The following NELL2 variants were observed in gnomAD, a reference collection of about 807,000 sequenced individuals.
The protein encoded by NELL2 is neural EGFL like 2, also known as protein kinase C-binding protein NELL2.
Under a neutral mutation model 109.6 loss-of-function variants are expected in NELL2, and 41 were observed. The observed-to-expected ratio is 0.37, with a 90% CI of 0.29 to 0.49. The LOEUF is 0.49. Ranked by LOEUF, NELL2 falls within the 20% of genes least tolerant of loss-of-function variation. The pLI is 0.98. For missense variants in NELL2, 900 were observed against 1,008.3 expected (o/e 0.89, Z 1.45); for synonymous variants, 355 against 344.7 (o/e 1.03, Z -0.33).
intron 13 of NELL2, among the ~76,000 whole-genome samples, chr12:44,648,900 T>TTGTGTGTGTGTGTG (rs563769057): frequency 0.084 from 8,978 of 106,964 alleles, 578 homozygotes; most frequent in East Asian, 0.18. Flanking sequence ...CACGCCCAGC[T>TTGTGTGTGTGTGTG]TGTGTGTGTG....
At chr12:44,787,465 A>G (rs1176460982) in intron 3 of NELL2, among the ~76,000 whole-genome samples, 1 of 152,198 alleles carries the variant, frequency 6.6e-6, no homozygotes, top group African/African-American at 2.4e-5. Context: ...TAAAATTTAT[A>G]TGGAAGGACA....
chr12:44,618,367 G>C (rs1592216076), intron 13 of NELL2, among the ~76,000 whole-genome samples: 1 of 152,154 alleles, frequency 6.6e-6, no homozygotes, highest in Non-Finnish European at 1.5e-5. Context: ...TTTTCTTCTA[G>C]TCTTTTCACT....
intron 15 of NELL2, among the ~76,000 whole-genome samples, chr12:44,598,109 A>C (rs1592181094): frequency 6.6e-6 from 1 of 150,484 alleles, no homozygotes; most frequent in African/African-American, 2.4e-5. Context: ...ATCCTTGTGC[A>C]CCACATTTTA....
intron 1 of NELL2, among the ~76,000 whole-genome samples, chr12:44,902,577 A>G (rs956651609): frequency 6.6e-6 from 1 of 152,232 alleles, no homozygotes; most frequent in African/African-American, 2.4e-5. Flanking sequence ...GGAACCAGAA[A>G]AGAGCCCGTA....
chr12:44,786,086 T>C (rs527984816), intron 3 of NELL2, among the ~76,000 whole-genome samples: 26 of 152,070 alleles, frequency 1.7e-4, no homozygotes, highest in Admixed American at 1.7e-3. Flanking sequence ...TCAGAGTGAA[T>C]AGGCAACCTA....
chr12:44,778,741 A>C (rs1436823900), intron 5 of NELL2, among the ~76,000 whole-genome samples: 5 of 152,160 alleles, frequency 3.3e-5, no homozygotes, highest in Non-Finnish European at 2.9e-5. Flanking sequence ...GTGCAGGTTT[A>C]TGCATAATAA....
chr12:44,684,592 T>C (rs999522356), intron 12 of NELL2, among the ~76,000 whole-genome samples: 3 of 152,210 alleles, frequency 2.0e-5, no homozygotes, highest in Non-Finnish European at 2.9e-5. Context: ...GCTTTGAATG[T>C]GTCCCAGAGA....
intron 9 of NELL2, among the ~76,000 whole-genome samples, chr12:44,765,084 G>A (rs1209611957): frequency 1.3e-5 from 2 of 152,130 alleles, no homozygotes; most frequent in Non-Finnish European, 2.9e-5. Flanking sequence ...GCGGCACTGA[G>A]CTAAGTGACG....
At chr12:44,774,537 C>T (rs371683256) in intron 9 of NELL2, 8 of 538,716 alleles carry the variant, frequency 1.5e-5, no homozygotes, top group Non-Finnish European at 2.3e-5. Flanking sequence ...ATAGATTACT[C>T]CAAGAAAAAA....
chr12:44,727,174 A>G (rs1939126580), intron 9 of NELL2, among the ~76,000 whole-genome samples: 1 of 152,132 alleles, frequency 6.6e-6, no homozygotes, highest in Non-Finnish European at 1.5e-5. Flanking sequence ...GCACATAAAA[A>G]TTGCACATAG....
chr12:44,613,456 GA>G (rs1945701063), intron 13 of NELL2, among the ~76,000 whole-genome samples: 1 of 152,030 alleles, frequency 6.6e-6, no homozygotes, highest in African/African-American at 2.4e-5. Context: ...CTCAATTGTA[GA>G]CTACATGCCA....
intron 18 of NELL2, among the ~76,000 whole-genome samples, chr12:44,521,529 C>CAAAAAAAAAAAAAAAAAAA (rs56713964): frequency 6.6e-4 from 73 of 111,156 alleles, no homozygotes; most frequent in African/African-American, 2.3e-3. Context: ...GACTCCGTCT[C>CAAAAAAAAAAAAAAAAAAA]AAAAAAAAAA....
At chr12:44,661,419 C>T (rs1265074554) in intron 13 of NELL2, among the ~76,000 whole-genome samples, 3 of 152,118 alleles carry the variant, frequency 2.0e-5, no homozygotes, top group Admixed American at 6.6e-5. Context: ...CTTTTTCTGC[C>T]TTATGCCCCT....
At chr12:44,520,713 T>C (rs1473127203) in intron 18 of NELL2, among the ~76,000 whole-genome samples, 2 of 152,232 alleles carry the variant, frequency 1.3e-5, no homozygotes, top group Non-Finnish European at 2.9e-5. Flanking sequence ...TTCATTTATA[T>C]ATTTTTCAGT....
intron 9 of NELL2, among the ~76,000 whole-genome samples, chr12:44,746,264 A>G (rs1269633561): frequency 2.6e-5 from 4 of 152,266 alleles, no homozygotes; most frequent in South Asian, 2.1e-4. Context: ...GCTGAAACTG[A>G]ATCCCTTCCT....
chr12:44,511,927 T>A (rs1232448524), intron 19 of NELL2, among the ~76,000 whole-genome samples: 1 of 152,008 alleles, frequency 6.6e-6, no homozygotes, highest in Non-Finnish European at 1.5e-5. Context: ...TCTAGGCAAA[T>A]ATTTTATGAG....
intron 13 of NELL2, among the ~76,000 whole-genome samples, chr12:44,636,267 C>A (rs531201977): frequency 9.2e-5 from 14 of 152,176 alleles, no homozygotes; most frequent in African/African-American, 2.9e-4. Flanking sequence ...TATTTGAATA[C>A]CTTTTACTTA....
chr12:44,896,740 T>C (rs1852090292), intron 1 of NELL2, among the ~76,000 whole-genome samples: 1 of 152,046 alleles, frequency 6.6e-6, no homozygotes, highest in Non-Finnish European at 1.5e-5. Context: ...CTCTGTGAAA[T>C]ACATTTATTT....
intron 15 of NELL2, among the ~76,000 whole-genome samples, chr12:44,557,595 A>G (rs1031194265): frequency 6.6e-6 from 1 of 152,236 alleles, no homozygotes; most frequent in Non-Finnish European, 1.5e-5. Context: ...GAAAAAAATC[A>G]TGGAAGATCA....
Sources: gnomAD v4.1 joint callset for allele counts (sites outside exome capture counted in the v4.1 genomes callset) on GRCh38, gnomAD v4.1.1 for gene constraint, MANE v1.5 for transcripts, NCBI Gene and HGNC (gene_info 2026-07-23, HGNC 2026-07-21) for gene names.